TMEM8B: variants seen among roughly 807,000 people sequenced by gnomAD.
TMEM8B encodes the protein transmembrane protein 8B.
Under a neutral mutation model 49.3 loss-of-function variants are expected in TMEM8B, and 29 were observed. That is an observed-to-expected ratio of 0.59 (90% confidence interval 0.44 to 0.80). The LOEUF (loss-of-function observed/expected upper bound fraction) is 0.80. TMEM8B is among the 30% of genes least tolerant of loss of function. The probability of loss-of-function intolerance (pLI) is 0.00; values close to 1 mark genes in which losing one functional copy is unlikely to be tolerated. For synonymous variants in TMEM8B, 264 were observed against 272.8 expected (o/e 0.97, Z 0.32); for missense variants, 575 against 658.5 (o/e 0.87, Z 1.39).
Position 35,841,057 on chromosome 9 carries a change from C to T in TMEM8B, c.907-77C>T. On this transcript the variant is annotated intron_variant, in intron 3 of 12. Coordinates refer to ENST00000643932, the MANE Select transcript of TMEM8B (RefSeq NM_001042590.4). This position sits in a 1 kb window ranked among gnomAD's most constrained non-coding sequence, Gnocchi z 5.9. The stretch of plus-strand genomic sequence containing the variant: ...GGCGGGGGTTTCTCCCCAGCCCGCC[C>T]AGCAGGTTCTGTTTGCCTTGGTTTA... 1 of 413,184 alleles carries T rather than the reference C, an allele frequency of 2.4e-6. No individual in the cohort carries two copies. Among genetic ancestry groups the T allele is most frequent in the Non-Finnish European group, 4.4e-6 (1 of 226,218 alleles). 25.6% of individuals were successfully genotyped at this position (413,184 alleles called of 1,614,324 possible).
chr9:35,835,483 T>C, intron 3 of TMEM8B: 1 of 343,794 alleles, frequency 2.9e-6, no homozygotes, highest in Non-Finnish European at 5.3e-6. Flanking sequence ...TCAGAGGCTC[T>C]GGCACAGGGG....
chr9:35,848,350 T>G (rs988232141), intron 10 of TMEM8B, among the ~76,000 whole-genome samples: 6 of 152,222 alleles, frequency 3.9e-5, no homozygotes, highest in African/African-American at 1.2e-4. Flanking sequence ...CCAGATGCCC[T>G]TTCTACTGTG....
chr9:35,831,685 G>A (rs567087252), intron 1 of TMEM8B, among the ~76,000 whole-genome samples: 1 of 152,360 alleles, frequency 6.6e-6, no homozygotes, highest in African/African-American at 2.4e-5. Flanking sequence ...GAGGGGAGCA[G>A]GGTGACCGAC....
intron 1 of TMEM8B, chr9:35,833,383 GCAGT>G (rs1830105662): frequency 1.0e-5 from 10 of 985,206 alleles, no homozygotes; most frequent in Non-Finnish European, 1.2e-5. Context: ...AGTCTCCAGA[GCAGT>G]CAGATTCCCT....
chr9:35,847,238 T>C, intron 10 of TMEM8B: 1 of 1,207,854 alleles, frequency 8.3e-7, no homozygotes, highest in Non-Finnish European at 1.2e-6. Flanking sequence ...GGCCTCCAGC[T>C]GTTCCACACT....
In TMEM8B at chr9:35,829,402, C is replaced by G. The variant is rs1410471326; in HGVS notation, c.-46C>G. The G allele has an allele frequency of 8.7e-6, 3 of 344,524 alleles. No individual in the cohort carries two copies. The highest frequency in any genetic ancestry group is 1.6e-5 in the Non-Finnish European group (3 of 191,960). 21.3% of individuals were successfully genotyped at this position (344,524 alleles called of 1,614,324 possible). On this transcript the variant is annotated 5_prime_UTR_variant, in exon 1 of 13. Coordinates refer to ENST00000643932, the MANE Select transcript of TMEM8B (RefSeq NM_001042590.4). ...GGAGCGGAGCCGCGGGCCAGCTCTG[C>G]GAGCGCCCCGCGCTGGCCTGTCCGG... is the stretch of plus-strand genomic sequence containing the variant.
intron 1 of TMEM8B, among the ~76,000 whole-genome samples, chr9:35,832,351 C>T (rs1015771937): frequency 4.6e-5 from 7 of 152,202 alleles, no homozygotes; most frequent in Non-Finnish European, 8.8e-5. Flanking sequence ...CTGTTCAAAC[C>T]GCAAACCAAA....
At chr9:35,847,377 C>T (rs1831707311) in intron 10 of TMEM8B, 3 of 591,444 alleles carry the variant, frequency 5.1e-6, no homozygotes, top group Non-Finnish European at 6.0e-6. Context: ...TGCTTTCCCC[C>T]ACACCTCTGC....
intron 1 of TMEM8B, among the ~76,000 whole-genome samples, chr9:35,833,099 G>C (rs1477885450): frequency 2.6e-5 from 4 of 152,104 alleles, no homozygotes; most frequent in Non-Finnish European, 5.9e-5. Flanking sequence ...GTGACTCCTG[G>C]GGTTGCTCTG....
intron 3 of TMEM8B, among the ~76,000 whole-genome samples, chr9:35,837,750 C>T (rs1226616384): frequency 6.6e-6 from 1 of 152,174 alleles, no homozygotes; most frequent in African/African-American, 2.4e-5. Context: ...TTTTCACGTC[C>T]TTTCCTTGTC....
rs992825218 is a variant in TMEM8B at position 35,854,062 on chromosome 9, G to A, written c.*222G>A. 3.2e-6 allele frequency: 4 copies of A among 1,266,096 alleles called. No homozygotes were observed. The African/African-American group carries it at 6.1e-5, about 19-fold the overall frequency. The allele number at this position is 1,266,096 out of a possible 1,614,324, so 78.4% of individuals were successfully genotyped here. A position where few individuals can be genotyped will look rare whatever the true frequency, so the allele number is the denominator to read the frequency against. ...CATCATGGAGTCCTTCTTAAGGACT[G>A]GAGCCTATGCAGGCACAGAGTCCCT... On this transcript the variant is annotated 3_prime_UTR_variant, in exon 13 of 13. Coordinates refer to ENST00000643932, the MANE Select transcript of TMEM8B (RefSeq NM_001042590.4).
chr9:35,838,678 C>T (rs945332001), intron 3 of TMEM8B, among the ~76,000 whole-genome samples: 18 of 152,222 alleles, frequency 1.2e-4, no homozygotes, highest in Admixed American at 1.1e-3. Flanking sequence ...CAAAGTGAAG[C>T]TAAAAGTATA....
At position 35,829,703 on chromosome 9, in the gene TMEM8B, C is replaced by A; in HGVS notation, c.256C>A (p.Pro86Thr). 2.5e-6 allele frequency: 1 copy of A among 405,614 alleles called. No homozygotes were observed. Among genetic ancestry groups the A allele is most frequent in the Admixed American group, 4.4e-5 (1 of 22,764 alleles). The allele number at this position is 405,614 out of a possible 1,614,324, so 25.1% of individuals were successfully genotyped here. A position where few individuals can be genotyped will look rare whatever the true frequency, so the allele number is the denominator to read the frequency against. ...CLLKALAQPR[P>T]LLQSPSQPFL... ...GCTTAAGGCCCTGGCTCAACCCCGT[C>A]CCTTGCTGCAGTCCCCATCACAGCC... The change falls in exon 1 of 13, where the codon CCC becomes ACC. Residue 86 changes from proline to threonine, a missense_variant. Physicochemically the swap from Pro to Thr is conservative, Grantham distance 38 (BLOSUM62 -1). Transcript: ENST00000643932.
rs1832332694 is a variant in TMEM8B at position 35,853,408 on chromosome 9, G to T, written c.2440-97G>T. ...CTCCAGTCTTGGCAGGTGTCTTTAG[G>T]TCACAACCAGGATACAGAGGAAACC... On this transcript the variant is annotated intron_variant, in intron 12 of 12. Coordinates refer to ENST00000643932, the MANE Select transcript of TMEM8B (RefSeq NM_001042590.4). The surrounding 1 kb of genome is among the most constrained non-coding windows in gnomAD (Gnocchi z 4.2). 14 of 1,522,062 alleles carry T rather than the reference G, an allele frequency of 9.2e-6. No individual in the cohort carries two copies. The highest frequency in any genetic ancestry group is 1.4e-5 in the African/African-American group (1 of 73,026). 94.3% of individuals were successfully genotyped at this position (1,522,062 alleles called of 1,614,324 possible). A position where few individuals can be genotyped will look rare whatever the true frequency, so the allele number is the denominator to read the frequency against.
chr9:35,853,963 A>G lies in TMEM8B; in HGVS notation c.*123A>G. ...TGAGGACATGGAGTCTTTCTCAAGG[A>G]CACAAAACTCTTCCAGGGACCTGGA... On this transcript the variant is annotated 3_prime_UTR_variant, in exon 13 of 13. Transcript: ENST00000643932. This position sits in a 1 kb window ranked among gnomAD's most constrained non-coding sequence, Gnocchi z 4.2. The G allele has an allele frequency of 1.4e-6, 2 of 1,384,278 alleles. No individual in the cohort carries two copies. The highest frequency in any genetic ancestry group is 1.9e-6 in the Non-Finnish European group (2 of 1,073,168). The allele number at this position is 1,384,278 out of a possible 1,614,324, so 85.7% of individuals were successfully genotyped here. A position where few individuals can be genotyped will look rare whatever the true frequency, so the allele number is the denominator to read the frequency against.
Position 35,835,131 on chromosome 9 carries a change from AG to A in TMEM8B, c.821del (p.Gly274AlafsTer43). On this transcript the variant is annotated frameshift_variant, in exon 3 of 13. Coordinates refer to ENST00000643932, the MANE Select transcript of TMEM8B (RefSeq NM_001042590.4). LOFTEE classifies it high-confidence loss of function. ...LSWTLPNRTS[G>X]IFNVSSPLPG... Reference sequence around the variant, plus strand: ...GCTGGACACTGCCCAACCGCACCTCAGGCATCTTTAACGTCAGCAGCCCCTT... The same window carrying A: ...GCTGGACACTGCCCAACCGCACCTCAGCATCTTTAACGTCAGCAGCCCCTT... The A allele has an allele frequency of 2.4e-6, 1 of 415,818 alleles. No individual in the cohort carries two copies. The highest frequency in any genetic ancestry group is 4.4e-6 in the Non-Finnish European group (1 of 226,500). 25.8% of individuals were successfully genotyped at this position (415,818 alleles called of 1,614,324 possible).
At chr9:35,847,084 T>TG in intron 10 of TMEM8B, 89 bp downstream of exon 10, 2 of 1,614,238 alleles carry the variant, frequency 1.2e-6, no homozygotes, top group Non-Finnish European at 1.7e-6. Flanking sequence ...TCCGAGGGTT[T>TG]GGGAATGTCT....
At chr9:35,833,929 G>T (rs924144660) in intron 1 of TMEM8B, among the ~76,000 whole-genome samples, 1 of 152,082 alleles carries the variant, frequency 6.6e-6, no homozygotes, top group African/African-American at 2.4e-5. Context: ...GGAACAGAAA[G>T]GGGAAGAAAA....
chr9:35,834,031 TACACACACACACACACACAC>T (rs377460934), intron 1 of TMEM8B, among the ~76,000 whole-genome samples: 3 of 138,320 alleles, frequency 2.2e-5, no homozygotes, highest in Non-Finnish European at 4.7e-5. Context: ...CATGCCAAAA[TACACACACACACACACACAC>T]ACACACACAC....
Sources: gnomAD v4.1 joint callset for allele counts (sites outside exome capture counted in the v4.1 genomes callset) on GRCh38, gnomAD v4.1.1 for gene constraint, Gnocchi (gnomAD v3.1) non-coding constraint, MANE v1.5 for transcripts, NCBI Gene and HGNC (gene_info 2026-07-23, HGNC 2026-07-21) for gene names.